The following GNA14 variants were observed in gnomAD, a reference collection of about 807,000 sequenced individuals.
GNA14 encodes G protein subunit alpha 14.
In GNA14, 50 loss-of-function variants were observed where a neutral mutation model predicts 42.0. The observed-to-expected ratio is 1.19, with a 90% CI of 0.95 to 1.51. GNA14 has a LOEUF of 1.51. Among genes scored for constraint, GNA14 ranks in the 40% most tolerant of loss-of-function variants. The pLI, the probability that GNA14 is intolerant of heterozygous loss-of-function variation, is 0.00. For missense variants in GNA14, 473 were observed against 446.2 expected, an observed-to-expected ratio of 1.06 and a Z score of -0.54; for synonymous variants, 173 against 163.1, an observed-to-expected ratio of 1.06 and a Z score of -0.46.
chr9:77,431,632 G>C (rs961272901), intron 3 of GNA14, 183 bp from the exon 4 acceptor site: 2 of 529,766 alleles, frequency 3.8e-6, no homozygotes, highest in African/African-American at 1.9e-5. Flanking sequence ...CTGTTTTGAA[G>C]ACAATATGGG....
chr9:77,582,962 T>TCA (rs1395341304), intron 1 of GNA14, among the ~76,000 whole-genome samples: 2 of 152,222 alleles, frequency 1.3e-5, no homozygotes, highest in African/African-American at 4.8e-5. Flanking sequence ...GGCTTGATTT[T>TCA]CACACCTGTA....
At chr9:77,635,529 G>C (rs10122016) in intron 1 of GNA14, among the ~76,000 whole-genome samples, 3,258 of 152,114 alleles carry the variant, frequency 0.021, 123 homozygotes, top group African/African-American at 0.074. Flanking sequence ...TATTTGAATA[G>C]TTTTGCTTTG....
At chr9:77,604,782 C>T (rs1336107487) in intron 1 of GNA14, among the ~76,000 whole-genome samples, 1 of 152,186 alleles carries the variant, frequency 6.6e-6, no homozygotes, top group Non-Finnish European at 1.5e-5. Context: ...GTTGCAAGGA[C>T]CAAACTAGAC....
At chr9:77,431,022 A>ATT (rs35098980) in intron 4 of GNA14, among the ~76,000 whole-genome samples, 1 of 34,328 alleles carries the variant, frequency 2.9e-5, no homozygotes, top group South Asian at 1.1e-3. Flanking sequence ...AGAAGTATAC[A>ATT]TTTGTGTGTG....
intron 2 of GNA14, among the ~76,000 whole-genome samples, chr9:77,491,831 G>A (rs1236983082): frequency 1.3e-5 from 2 of 152,188 alleles, no homozygotes; most frequent in Non-Finnish European, 2.9e-5. Flanking sequence ...GACATTTACA[G>A]AACATTTCAC....
chr9:77,449,998 C>T (rs2131702918), intron 2 of GNA14, among the ~76,000 whole-genome samples: 1 of 152,244 alleles, frequency 6.6e-6, no homozygotes, highest in Admixed American at 6.5e-5. Context: ...GGCGGTAGTT[C>T]ATGGTACCGG....
At chr9:77,456,612 A>T (rs535859951) in intron 2 of GNA14, 1 of 152,234 alleles carries the variant, frequency 6.6e-6, no homozygotes, top group Non-Finnish European at 1.5e-5. Flanking sequence ...CTGTTTCCAT[A>T]TGGAAGACTT....
intron 2 of GNA14, among the ~76,000 whole-genome samples, chr9:77,500,267 C>T (rs1836944603): frequency 1.3e-5 from 2 of 152,164 alleles, no homozygotes; most frequent in African/African-American, 4.8e-5. Context: ...ATCCACCTGC[C>T]TCAGCCTCCC....
intron 1 of GNA14, among the ~76,000 whole-genome samples, chr9:77,594,028 C>A (rs1371255549): frequency 1.3e-5 from 2 of 152,172 alleles, no homozygotes; most frequent in Non-Finnish European, 2.9e-5. Context: ...ATCTAAGAAG[C>A]CAGTTCACAA....
intron 2 of GNA14, among the ~76,000 whole-genome samples, chr9:77,505,890 ATAGG>A (rs1285317454): frequency 6.6e-6 from 1 of 152,176 alleles, no homozygotes; most frequent in Non-Finnish European, 1.5e-5. Context: ...TTGGGTGAAA[ATAGG>A]TTAGACCAGC....
At chr9:77,454,836 T>C (rs1835972014) in intron 2 of GNA14, among the ~76,000 whole-genome samples, 1 of 152,218 alleles carries the variant, frequency 6.6e-6, no homozygotes. Context: ...GCTTTTAATG[T>C]GACACATATA....
At chr9:77,537,081 C>A (rs1485010932) in intron 1 of GNA14, among the ~76,000 whole-genome samples, 1 of 152,094 alleles carries the variant, frequency 6.6e-6, no homozygotes, top group African/African-American at 2.4e-5. Flanking sequence ...GTGTCAGTAA[C>A]ATTTCAAGTC....
At chr9:77,466,656 G>A (rs1053191312) in intron 2 of GNA14, among the ~76,000 whole-genome samples, 6 of 152,162 alleles carry the variant, frequency 3.9e-5, no homozygotes, top group African/African-American at 1.2e-4. Context: ...CCTGTGCATA[G>A]GTCACACTTT....
intron 1 of GNA14, among the ~76,000 whole-genome samples, chr9:77,550,910 C>G (rs1837779083): frequency 6.6e-6 from 1 of 152,136 alleles, no homozygotes; most frequent in Non-Finnish European, 1.5e-5. Flanking sequence ...AATCAGACAT[C>G]AGATTTTTCC....
At chr9:77,581,976 T>A (rs1044209372) in intron 1 of GNA14, among the ~76,000 whole-genome samples, 1 of 152,258 alleles carries the variant, frequency 6.6e-6, no homozygotes, top group African/African-American at 2.4e-5. Flanking sequence ...AACACCCTTC[T>A]CTTCAATCAC....
intron 2 of GNA14, among the ~76,000 whole-genome samples, chr9:77,445,244 T>C (rs538198464): frequency 1.3e-5 from 2 of 152,144 alleles, no homozygotes; most frequent in African/African-American, 4.8e-5. Flanking sequence ...AGACCAGCCT[T>C]TGCTACATCG....
chr9:77,523,164 G>A (rs112981382), intron 2 of GNA14, among the ~76,000 whole-genome samples: 33 of 152,244 alleles, frequency 2.2e-4, no homozygotes, highest in African/African-American at 7.5e-4. Context: ...TTTAATTATT[G>A]TATTTGTCCA....
intron 1 of GNA14, among the ~76,000 whole-genome samples, chr9:77,537,615 A>T (rs1837613304): frequency 1.3e-5 from 2 of 152,134 alleles, no homozygotes; most frequent in Admixed American, 1.3e-4. Context: ...AGATTGCTGG[A>T]TTGTATGGTA....
chr9:77,495,779 A>G (rs1836859346), intron 2 of GNA14, among the ~76,000 whole-genome samples: 1 of 152,228 alleles, frequency 6.6e-6, no homozygotes, highest in African/African-American at 2.4e-5. Context: ...ATGAGAAGGA[A>G]AAAGTGTATA....
Sources: gnomAD v4.1 joint callset for allele counts (sites outside exome capture counted in the v4.1 genomes callset) on GRCh38, gnomAD v4.1.1 for gene constraint, MANE v1.5 for transcripts, NCBI Gene and HGNC (gene_info 2026-07-23, HGNC 2026-07-21) for gene names.